The following OSBPL5 variants were observed in gnomAD, a reference collection of about 807,000 sequenced individuals.
OSBPL5 encodes oxysterol binding protein like 5.
In OSBPL5, 71 loss-of-function variants were observed where a neutral mutation model predicts 111.2. That is an observed-to-expected ratio of 0.64 (90% CI 0.53 to 0.78). The LOEUF (loss-of-function observed/expected upper bound fraction) is 0.78. Ranked by LOEUF, OSBPL5 falls within the 30% of genes least tolerant of loss-of-function variation. The pLI, the probability that OSBPL5 is intolerant of heterozygous loss-of-function variation, is 0.00. For missense variants in OSBPL5, 1,210 were observed against 1,189.3 expected (o/e 1.02, Z -0.26); for synonymous variants, 549 against 513.9 (o/e 1.07, Z -0.93).
In OSBPL5 at chr11:3,151,140, C is replaced by T. The variant is rs565733222; in HGVS notation, c.-22+14076G>A. 2.4e-4 allele frequency among the ~76,000 whole-genome samples: 37 copies of T among 152,174 alleles called. No homozygotes were observed. In the East Asian group the frequency reaches 3.9e-3, roughly 16 times the overall value. The stretch of plus-strand genomic sequence containing the variant: ...ACAGAGGCGGAGATCGGAGTGATGC[C>T]GCCACGAGCCAAGGAACACCTGGAG... On this transcript the variant is annotated intron_variant, in intron 1 of 21. Coordinates refer to ENST00000263650, the MANE Select transcript of OSBPL5 (RefSeq NM_020896.4).
chr11:3,163,529 T>TGG (rs199830392), intron 1 of OSBPL5, among the ~76,000 whole-genome samples: 67 of 102,890 alleles, frequency 6.5e-4, no homozygotes, highest in East Asian at 6.0e-3. Context: ...AGGGGTTGGG[T>TGG]GGGGGGGGCG....
intron 2 of OSBPL5, among the ~76,000 whole-genome samples, chr11:3,128,606 T>A (rs1265926547): frequency 6.6e-6 from 1 of 152,140 alleles, no homozygotes; most frequent in African/African-American, 2.4e-5. Context: ...GGTACTAATA[T>A]TGTCCCATTT....
intron 17 of OSBPL5, 76 bp downstream of exon 17, chr11:3,093,451 T>C: frequency 6.4e-7 from 1 of 1,572,274 alleles, no homozygotes; most frequent in Non-Finnish European, 8.6e-7. Flanking sequence ...CTCACAGCAC[T>C]GTAGCCCTGC....
intron 7 of OSBPL5, among the ~76,000 whole-genome samples, chr11:3,114,601 T>C (rs1483232833): frequency 1.4e-5 from 2 of 140,764 alleles, no homozygotes; most frequent in East Asian, 2.0e-4. Context: ...ATTTTTTTTT[T>C]TTTTTTTTTT....
intron 1 of OSBPL5, among the ~76,000 whole-genome samples, chr11:3,136,998 G>A (rs1178720519): frequency 2.6e-5 from 4 of 152,240 alleles, no homozygotes; most frequent in Non-Finnish European, 5.9e-5. Context: ...TTGGCTCTTC[G>A]CACATGGGAT....
intron 1 of OSBPL5, among the ~76,000 whole-genome samples, chr11:3,163,529 TG>T (rs199830392): frequency 6.8e-5 from 7 of 102,832 alleles, no homozygotes; most frequent in Non-Finnish European, 1.4e-4. Flanking sequence ...AGGGGTTGGG[TG>T]GGGGGGGCGG....
chr11:3,131,742 G>GCATC (rs1401343369), intron 1 of OSBPL5, among the ~76,000 whole-genome samples: 6 of 18,006 alleles, frequency 3.3e-4, no homozygotes, highest in Admixed American at 4.4e-4. Flanking sequence ...ATCCTCCCAG[G>GCATC]CATCCATCCA....
rs571995363 is a variant in OSBPL5 at position 3,126,642 on chromosome 11, C to G, written c.137-87G>C. ...GCTGCCTGGTGTGAGGCAGGCGAAG[C>G]GTGGGTGCGGATGACCTGGGAGGGG... On this transcript the variant is annotated intron_variant, in intron 2 of 21. Coordinates refer to ENST00000263650, the MANE Select transcript of OSBPL5 (RefSeq NM_020896.4). The surrounding 1 kb of genome is among the most constrained non-coding windows in gnomAD (Gnocchi z 6.5). The G allele has an allele frequency of 8.3e-7, 1 of 1,207,072 alleles. No individual in the cohort carries two copies. Among genetic ancestry groups the G allele is most frequent in the African/African-American group, 1.5e-5 (1 of 65,698 alleles). 74.8% of individuals were successfully genotyped at this position (1,207,072 alleles called of 1,614,324 possible). A position where few individuals can be genotyped will look rare whatever the true frequency, so the allele number is the denominator to read the frequency against.
chr11:3,103,347 C>G (rs774631519), intron 10 of OSBPL5, 27 bp from the exon 11 acceptor site: 2 of 1,581,838 alleles, frequency 1.3e-6, no homozygotes, highest in Middle Eastern at 3.4e-4. Context: ...GAACGCTGAC[C>G]CCAGCTCCGG....
chr11:3,108,831 C>G (rs369597989), intron 7 of OSBPL5, among the ~76,000 whole-genome samples: 5 of 152,212 alleles, frequency 3.3e-5, no homozygotes, highest in Non-Finnish European at 2.9e-5. Context: ...CACAATGGCA[C>G]GATCTCAGCT....
At chr11:3,159,321 C>A (rs1454292368) in intron 1 of OSBPL5, among the ~76,000 whole-genome samples, 1 of 152,182 alleles carries the variant, frequency 6.6e-6, no homozygotes, top group Non-Finnish European at 1.5e-5. Context: ...AGTCCCAGCA[C>A]CCCGTCCACA....
At chr11:3,157,134 C>A (rs372846328) in intron 1 of OSBPL5, among the ~76,000 whole-genome samples, 3 of 152,212 alleles carry the variant, frequency 2.0e-5, no homozygotes, top group Non-Finnish European at 4.4e-5. Context: ...ATCAGAGAGC[C>A]GCGTGCCTCC....
At chr11:3,147,021 G>A (rs1846373602) in intron 1 of OSBPL5, among the ~76,000 whole-genome samples, 1 of 152,176 alleles carries the variant, frequency 6.6e-6, no homozygotes, top group African/African-American at 2.4e-5. Context: ...TTAGCTCTGG[G>A]TGGGCCGAGG....
rs1202265148 is a variant in OSBPL5 at position 3,092,087 on chromosome 11, C to A, written c.2259+345G>T. ...TGTGCAAGTGCTGGCTCCTCCTCCT[C>A]CTACCTGGGAAGGGCCCTGGGCTGC... On this transcript the variant is annotated intron_variant, in intron 19 of 21. Transcript: ENST00000263650. This position sits in a 1 kb window ranked among gnomAD's most constrained non-coding sequence, Gnocchi z 5.4. Among the ~76,000 whole-genome samples the A allele has an allele frequency of 6.6e-6, 1 of 152,206 alleles. No homozygotes were observed. Among genetic ancestry groups the A allele is most frequent in the Non-Finnish European group, 1.5e-5 (1 of 68,030 alleles).
chr11:3,107,200 G>C lies in OSBPL5; in HGVS notation c.1059+63C>G, dbSNP rs1857728491. On this transcript the variant is annotated intron_variant, in intron 9 of 21. Coordinates refer to ENST00000263650, the MANE Select transcript of OSBPL5 (RefSeq NM_020896.4). The surrounding 1 kb of genome is among the most constrained non-coding windows in gnomAD (Gnocchi z 6.1). ...CCTAGGATGAGGCATGGCTACCTCT[G>C]CTTCCGGAACAAGGGGCCGAGGCAG... The C allele has an allele frequency of 6.4e-7, 1 of 1,559,594 alleles. No individual in the cohort carries two copies. Among genetic ancestry groups the C allele is most frequent in the South Asian group, 1.2e-5 (1 of 85,088 alleles).
intron 12 of OSBPL5, 21 bp downstream of exon 12, chr11:3,102,162 T>C (rs1181835357): frequency 9.7e-6 from 15 of 1,552,888 alleles, no homozygotes; most frequent in African/African-American, 1.4e-5. Flanking sequence ...CCCAGGCCGG[T>C]TGCAGCAGAG....
chr11:3,119,454 A>C, intron 7 of OSBPL5, 93 bp downstream of exon 7: 1 of 1,302,726 alleles, frequency 7.7e-7, no homozygotes, highest in Middle Eastern at 1.9e-4. Context: ...GAAGGGACTG[A>C]ACTGGGGCCA....
At chr11:3,114,587 A>C (rs1467568526) in intron 7 of OSBPL5, among the ~76,000 whole-genome samples, 1 of 119,666 alleles carries the variant, frequency 8.4e-6, no homozygotes, top group African/African-American at 3.5e-5. Flanking sequence ...TGGTTAGAAC[A>C]ATGATTTTTT....
chr11:3,145,166 T>G (rs1371804522), intron 1 of OSBPL5, among the ~76,000 whole-genome samples: 1 of 152,202 alleles, frequency 6.6e-6, no homozygotes, highest in Non-Finnish European at 1.5e-5. Context: ...CGTGCCCGCC[T>G]GGATTTGACG....
Sources: gnomAD v4.1 joint callset for allele counts (sites outside exome capture counted in the v4.1 genomes callset) on GRCh38, gnomAD v4.1.1 for gene constraint, Gnocchi (gnomAD v3.1) non-coding constraint, MANE v1.5 for transcripts, NCBI Gene and HGNC (gene_info 2026-07-23, HGNC 2026-07-21) for gene names.